NPHP3: variants seen among roughly 807,000 people sequenced by gnomAD.
NPHP3 encodes nephrocystin-3.
In NPHP3, 123 loss-of-function variants were observed where a neutral mutation model predicts 171.9. That is an observed-to-expected ratio of 0.72 (90% CI 0.62 to 0.83). NPHP3 has a LOEUF of 0.83. NPHP3 is among the 40% of genes least tolerant of loss of function. The pLI is 0.00. For synonymous variants in NPHP3, 558 were observed against 579.2 expected, an observed-to-expected ratio of 0.96 and a Z score of 0.52; for missense variants, 1,506 against 1,591.9, an observed-to-expected ratio of 0.95 and a Z score of 0.92.
At chr3:132,693,714 A>T (rs1365337429) in intron 16 of NPHP3, 1 of 152,198 alleles carries the variant, frequency 6.6e-6, no homozygotes, top group Non-Finnish European at 1.5e-5. Context: ...TCTACTAAAA[A>T]TACAAAAAAT....
chr3:132,714,530 C>T (rs1398341737), intron 5 of NPHP3, among the ~76,000 whole-genome samples: 2 of 143,344 alleles, frequency 1.4e-5, no homozygotes, highest in African/African-American at 2.7e-5. Flanking sequence ...CAAGCCTAGG[C>T]AACACAATGA....
intron 8 of NPHP3, among the ~76,000 whole-genome samples, chr3:132,705,191 A>T (rs1352413202): frequency 6.6e-6 from 1 of 152,088 alleles, no homozygotes; most frequent in Non-Finnish European, 1.5e-5. Context: ...ATATAATTTA[A>T]AATTTTTTTA....
chr3:132,694,932 A>G lies in NPHP3; in HGVS notation c.2205T>C (p.Leu735=). 6.2e-7 allele frequency: 1 copy of G among 1,613,912 alleles called. No individual in the cohort carries two copies. Among genetic ancestry groups the G allele is most frequent in the Non-Finnish European group, 8.5e-7 (1 of 1,179,902 alleles). The part of the protein sequence containing the change: ...AGRAGNLDKI[L]HQCFQCQDTL... ...TATCTTGACACTGGAAACACTGATG[A>G]AGGATTTTATCTAAATTGCCTGCTC... is the stretch of plus-strand genomic sequence containing the variant. Residue 735 remains leucine (L), a synonymous_variant, in exon 16 of 27, where the codon CTT becomes CTC. Transcript: ENST00000337331.
rs144989330 is a variant in NPHP3, at chr3:132,689,076, G to C, written c.2881C>G (p.Gln961Glu). ...TGCCATTGATCTGCTGAGCTTACCTGACTGAGAAGGCCTAGATCCTTGAGA... is the reference window on the plus strand; with the variant it reads ...TGCCATTGATCTGCTGAGCTTACCTCACTGAGAAGGCCTAGATCCTTGAGA... Reference protein sequence around the residue: ...RFLKDLGLLSQAIVPLQRSLE... With the variant: ...RFLKDLGLLSEAIVPLQRSLE... The change falls in exon 20 of 27, where the codon CAG becomes GAG. Residue 961 changes from glutamine (Q) to glutamate (E), a missense_variant and splice_region_variant. Around this residue, in one of 3 missense-constraint regions of NPHP3, gnomAD observed 569 missense variants for 648.1 expected, o/e 0.88. Coordinates refer to ENST00000337331, the MANE Select transcript of NPHP3 (RefSeq NM_153240.5). 865 of 1,613,970 alleles carry C rather than the reference G, an allele frequency of 5.4e-4. 1 individual carries two copies. Among genetic ancestry groups the C allele is most frequent in the Non-Finnish European group, 7.0e-4 (821 of 1,179,980 alleles).
intron 14 of NPHP3, 144 bp downstream of exon 14, chr3:132,697,114 TAA>T (rs1939474326): frequency 2.8e-6 from 2 of 707,382 alleles, no homozygotes; most frequent in African/African-American, 3.5e-5. Context: ...GTCATTAGTT[TAA>T]GAGGCAATAC....
At chr3:132,704,076 A>G in intron 9 of NPHP3, 122 bp downstream of exon 9, 1 of 983,006 alleles carries the variant, frequency 1.0e-6, no homozygotes. Context: ...TGGATAATCA[A>G]GCCATGAGAT....
At chr3:132,697,126 C>T (rs1431261905) in intron 14 of NPHP3, 134 bp downstream of exon 14, 4 of 739,834 alleles carry the variant, frequency 5.4e-6, no homozygotes, top group Non-Finnish European at 4.8e-6. Flanking sequence ...AGAGGCAATA[C>T]ATTTACCAAA....
At chr3:132,699,201 GT>G in intron 13 of NPHP3, 151 bp downstream of exon 13, 1 of 635,264 alleles carries the variant, frequency 1.6e-6, no homozygotes, top group Non-Finnish European at 2.8e-6. Context: ...TCTATAGATT[GT>G]ATTTTTTTTT....
intron 1 of NPHP3, among the ~76,000 whole-genome samples, chr3:132,720,745 G>A (rs144454368): frequency 2.0e-5 from 3 of 151,846 alleles, no homozygotes; most frequent in African/African-American, 7.3e-5. Context: ...AGAAAAATCA[G>A]TCTGAGGTAT....
rs552282894 is a variant in NPHP3, at chr3:132,695,154, T to A, written c.2172-189A>T. ...GTCATTGGGTTTATTTTACTATATA[T>A]AATTTAATTCAGTGCAATAAACATG... On this transcript the variant is annotated intron_variant, in intron 15 of 26. Coordinates refer to ENST00000337331, the MANE Select transcript of NPHP3 (RefSeq NM_153240.5). 7 of 572,920 alleles carry A rather than the reference T, an allele frequency of 1.2e-5. No homozygotes were observed. In the African/African-American group the frequency reaches 1.3e-4, roughly 11 times the overall value. 35.5% of individuals were successfully genotyped at this position (572,920 alleles called of 1,614,324 possible). A position where few individuals can be genotyped will look rare whatever the true frequency, so the allele number is the denominator to read the frequency against.
chr3:132,718,544 T>G (rs1196748708), intron 3 of NPHP3, among the ~76,000 whole-genome samples: 1 of 152,228 alleles, frequency 6.6e-6, no homozygotes, highest in Non-Finnish European at 1.5e-5. Context: ...AACAGAACAC[T>G]ACATTTTAGT....
chr3:132,719,610 C>T, intron 2 of NPHP3, 95 bp downstream of exon 2: 1 of 829,348 alleles, frequency 1.2e-6, no homozygotes, highest in Non-Finnish European at 1.7e-6. Flanking sequence ...ACATGACTTA[C>T]TTCTATTTAT....
chr3:132,714,870 T>C (rs1016658511), intron 5 of NPHP3, among the ~76,000 whole-genome samples: 3 of 152,136 alleles, frequency 2.0e-5, no homozygotes, highest in African/African-American at 7.2e-5. Context: ...TTCCAGAAAG[T>C]AAAAATAAAT....
At chr3:132,721,078 C>T (rs529228939) in intron 1 of NPHP3, among the ~76,000 whole-genome samples, 7 of 152,096 alleles carry the variant, frequency 4.6e-5, no homozygotes, top group Admixed American at 2.6e-4. Context: ...CCACCATGCC[C>T]GGCTAATTTT....
intron 5 of NPHP3, among the ~76,000 whole-genome samples, chr3:132,714,308 G>GC (rs1939990064): frequency 6.6e-6 from 1 of 152,102 alleles, no homozygotes; most frequent in Admixed American, 6.5e-5. Context: ...TTTAAAACAG[G>GC]CAGCAGGCCA....
intron 17 of NPHP3, 149 bp downstream of exon 17, chr3:132,692,505 T>C (rs1046900818): frequency 3.2e-5 from 22 of 682,348 alleles, no homozygotes; most frequent in Middle Eastern, 3.6e-4. Flanking sequence ...TACTACAGTA[T>C]TGTTAACTAT....
chr3:132,721,796 GA>G, intron 1 of NPHP3, 166 bp downstream of exon 1: 1 of 930,044 alleles, frequency 1.1e-6, no homozygotes, highest in Non-Finnish European at 1.7e-6. Context: ...AAAAGAGACA[GA>G]AAAAGGGGAG....
chr3:132,687,154 G>A lies in NPHP3; in HGVS notation c.3198C>T (p.Asn1066=). 2.1e-6 allele frequency: 3 copies of A among 1,440,996 alleles called. No homozygotes were observed. Among genetic ancestry groups the A allele is most frequent in the Non-Finnish European group, 2.9e-6 (3 of 1,025,244 alleles). 89.3% of individuals were successfully genotyped at this position (1,440,996 alleles called of 1,614,324 possible). ...CACAAAAGAAATCTCTCCTTACCAA[G>A]TTGCCTTTTTTCTTTATAGCTTTCT... ...IHQKAIKKKG[N]LYGFALLRRR... The change falls in exon 22 of 27, where the codon AAC becomes AAT. Residue 1066 remains asparagine (N), a synonymous_variant. Coordinates refer to ENST00000337331, the MANE Select transcript of NPHP3 (RefSeq NM_153240.5).
In NPHP3 at chr3:132,681,576, T is replaced by A; in HGVS notation, c.*334A>T. 1 of 310,532 alleles carries A rather than the reference T, an allele frequency of 3.2e-6. No individual in the cohort carries two copies. Among genetic ancestry groups the A allele is most frequent in the Non-Finnish European group, 6.2e-6 (1 of 160,758 alleles). 19.2% of individuals were successfully genotyped at this position (310,532 alleles called of 1,614,324 possible). A position where few individuals can be genotyped will look rare whatever the true frequency, so the allele number is the denominator to read the frequency against. On this transcript the variant is annotated 3_prime_UTR_variant, in exon 27 of 27. Coordinates refer to ENST00000337331, the MANE Select transcript of NPHP3 (RefSeq NM_153240.5). The stretch of plus-strand genomic sequence containing the variant: ...AGCCACCATGCCTGGCCAAGATTCA[T>A]GGAATTTTTGAACTCCTTGTCTTAA...
Sources: gnomAD v4.1 joint callset for allele counts (sites outside exome capture counted in the v4.1 genomes callset) on GRCh38, gnomAD v4.1.1 for gene constraint, gnomAD v4.1.1 regional missense constraint, MANE v1.5 for transcripts, NCBI Gene and HGNC (gene_info 2026-07-23, HGNC 2026-07-21) for gene names.